The following CDH12 variants were observed in gnomAD, a reference collection of about 807,000 sequenced individuals.
The protein encoded by CDH12 is cadherin-12.
Under a neutral mutation model 74.1 loss-of-function variants are expected in CDH12, and 41 were observed. The ratio of observed to expected loss-of-function variants is 0.55; its 90% CI spans 0.43 to 0.72. The LOEUF is 0.72. Ranked by LOEUF, CDH12 falls within the 30% of genes least tolerant of loss-of-function variation. The pLI, the probability that CDH12 is intolerant of heterozygous loss-of-function variation, is 0.00. For synonymous variants in CDH12, 399 were observed against 355.0 expected (o/e 1.12, Z -1.39); for missense variants, 945 against 977.2 (o/e 0.97, Z 0.44).
intron 1 of CDH12, among the ~76,000 whole-genome samples, chr5:22,739,289 TACA>T: frequency 6.7e-6 from 1 of 149,472 alleles, no homozygotes; most frequent in South Asian, 2.1e-4. Flanking sequence ...TAAACATATA[TACA>T]ACATTTTTGA....
intron 4 of CDH12, among the ~76,000 whole-genome samples, chr5:22,168,673 C>A (rs1748836209): frequency 6.6e-6 from 1 of 151,830 alleles, no homozygotes; most frequent in South Asian, 2.1e-4. Context: ...CCTGACTCTC[C>A]TTGCAGCTTT....
At chr5:22,154,102 G>A (rs559695477) in intron 4 of CDH12, among the ~76,000 whole-genome samples, 1 of 121,120 alleles carries the variant, frequency 8.3e-6, no homozygotes, top group Non-Finnish European at 1.9e-5. Flanking sequence ...TTAATGAGGT[G>A]TAATGACAAA....
intron 2 of CDH12, among the ~76,000 whole-genome samples, chr5:22,435,021 A>C (rs1441616609): frequency 4.6e-5 from 7 of 152,060 alleles, no homozygotes; most frequent in African/African-American, 1.7e-4. Flanking sequence ...GTTAATAGTG[A>C]GTGTTAGCTT....
rs1248536446 is a variant in CDH12 at position 21,969,894 on chromosome 5, G to GTAT, written c.526+5194_526+5196dup. Among the ~76,000 whole-genome samples the GTAT allele has an allele frequency of 2.8e-4, 42 of 152,178 alleles. 1 individual carries two copies. Among genetic ancestry groups the GTAT allele is most frequent in the Admixed American group, 1.0e-3 (16 of 15,276 alleles). On this transcript the variant is annotated intron_variant, in intron 6 of 14. Transcript: ENST00000382254. ...GTTCTGGGATATTTCTGACAAAGAT[G>GTAT]TATATGCTTCATTCATACATGAGGA...
chr5:22,767,845 C>A (rs1305595810), intron 1 of CDH12, among the ~76,000 whole-genome samples: 1 of 151,380 alleles, frequency 6.6e-6, no homozygotes, highest in Non-Finnish European at 1.5e-5. Flanking sequence ...TAAATTATAC[C>A]TGGGGGCTTT....
intron 8 of CDH12, among the ~76,000 whole-genome samples, chr5:21,834,739 T>C (rs1159410718): frequency 6.6e-6 from 1 of 151,968 alleles, no homozygotes; most frequent in Non-Finnish European, 1.5e-5. Context: ...ACCATGCATT[T>C]TGTAGTCAAA....
chr5:21,800,263 T>TC (rs1747037092), intron 10 of CDH12, among the ~76,000 whole-genome samples: 1 of 152,120 alleles, frequency 6.6e-6, no homozygotes, highest in Non-Finnish European at 1.5e-5. Flanking sequence ...TTAATTAATA[T>TC]TAGAAGAAGT....
Position 21,968,916 on chromosome 5 carries a change from G to A in CDH12, c.526+6175C>T, listed in dbSNP as rs192129076. Among the ~76,000 whole-genome samples, 4 of 152,054 alleles carry A rather than the reference G, an allele frequency of 2.6e-5. No homozygotes were observed. In the East Asian group the frequency reaches 5.8e-4, roughly 22 times the overall value. On this transcript the variant is annotated intron_variant, in intron 6 of 14. Transcript: ENST00000382254. ...CACCACGTGTTGTCTCTTATAAGTG[G>A]GAGCTGAACAGTAAGAACACATGGA...
chr5:22,381,469 C>A (rs115935739), intron 3 of CDH12, among the ~76,000 whole-genome samples: 1 of 151,850 alleles, frequency 6.6e-6, no homozygotes, highest in Non-Finnish European at 1.5e-5. Context: ...TTTTCCAATA[C>A]GAACATTTTT....
At chr5:22,716,058 A>T (rs1743559957) in intron 1 of CDH12, among the ~76,000 whole-genome samples, 1 of 151,962 alleles carries the variant, frequency 6.6e-6, no homozygotes, top group Non-Finnish European at 1.5e-5. Context: ...AATTGCTTGA[A>T]CCTGGGAGGC....
At chr5:22,751,474 T>C (rs1745572543) in intron 1 of CDH12, among the ~76,000 whole-genome samples, 1 of 151,820 alleles carries the variant, frequency 6.6e-6, no homozygotes. Flanking sequence ...TTTTTTATAG[T>C]AAGTTAATTA....
At chr5:22,620,272 T>A (rs966338117) in intron 1 of CDH12, among the ~76,000 whole-genome samples, 11 of 152,052 alleles carry the variant, frequency 7.2e-5, no homozygotes, top group Non-Finnish European at 1.0e-4. Flanking sequence ...GACTCTTAAA[T>A]GTATGGTGAA....
intron 1 of CDH12, among the ~76,000 whole-genome samples, chr5:22,637,053 G>A (rs770759183): frequency 3.3e-5 from 5 of 152,160 alleles, no homozygotes; most frequent in Non-Finnish European, 5.9e-5. Context: ...GTTCACTAAG[G>A]TGGTTACCCC....
chr5:22,267,503 C>T (rs553866728), intron 3 of CDH12, among the ~76,000 whole-genome samples: 1 of 152,256 alleles, frequency 6.6e-6, no homozygotes, highest in South Asian at 2.1e-4. Flanking sequence ...TCATTGCAGA[C>T]ATTTTGTGGT....
intron 4 of CDH12, among the ~76,000 whole-genome samples, chr5:22,086,388 G>A (rs758410028): frequency 4.6e-5 from 7 of 151,444 alleles, no homozygotes; most frequent in East Asian, 1.9e-4. Flanking sequence ...TCTGTCACCC[G>A]GGCTGGAGTG....
intron 4 of CDH12, among the ~76,000 whole-genome samples, chr5:22,111,266 T>G (rs1483853348): frequency 6.6e-6 from 1 of 152,168 alleles, no homozygotes; most frequent in Non-Finnish European, 1.5e-5. Flanking sequence ...TGTCAACTGA[T>G]TCTCTTAGAT....
At chr5:22,035,288 G>T (rs1055784603) in intron 5 of CDH12, among the ~76,000 whole-genome samples, 1 of 151,968 alleles carries the variant, frequency 6.6e-6, no homozygotes, top group South Asian at 2.1e-4. Context: ...AAGTAGAAAG[G>T]CTATGTTATT....
chr5:21,861,460 C>T (rs1276884563), intron 6 of CDH12, among the ~76,000 whole-genome samples: 3 of 151,988 alleles, frequency 2.0e-5, no homozygotes, highest in Non-Finnish European at 2.9e-5. Context: ...TAGTACTTTA[C>T]AATTTGTAAT....
At chr5:22,344,525 G>A (rs1372405947) in intron 3 of CDH12, among the ~76,000 whole-genome samples, 1 of 151,962 alleles carries the variant, frequency 6.6e-6, no homozygotes, top group Non-Finnish European at 1.5e-5. Flanking sequence ...AGAAGCATGA[G>A]ACTCATATTT....
Sources: allele counts gnomAD v4.1 joint callset (sites outside exome capture counted in the v4.1 genomes callset), GRCh38; gene constraint gnomAD v4.1.1; transcripts MANE v1.5; gene names NCBI Gene and HGNC (gene_info 2026-07-23, HGNC 2026-07-21).